RHBDD1: variants seen among roughly 807,000 people sequenced by gnomAD.
The protein encoded by RHBDD1 is rhomboid domain containing 1.
In RHBDD1, 38 loss-of-function variants were observed where a neutral mutation model predicts 36.3. The ratio of observed to expected loss-of-function variants is 1.05; its 90% CI spans 0.81 to 1.37. The LOEUF (loss-of-function observed/expected upper bound fraction) is 1.37. Among genes scored for constraint, RHBDD1 ranks in the 40% most tolerant of loss-of-function variants. The pLI is 0.00. For synonymous variants in RHBDD1, 151 were observed against 136.5 expected, an observed-to-expected ratio of 1.11 and a Z score of -0.74; for missense variants, 393 against 377.6, an observed-to-expected ratio of 1.04 and a Z score of -0.34.
chr2:226,909,186 C>T (rs915497310), intron 7 of RHBDD1, among the ~76,000 whole-genome samples: 13 of 152,142 alleles, frequency 8.5e-5, no homozygotes, highest in African/African-American at 3.1e-4. Flanking sequence ...CAGTCTGAGA[C>T]TCTACTGCTG....
At chr2:226,830,496 T>C in the RHBDD1 span, among the ~76,000 whole-genome samples, 1 of 152,170 alleles carries the variant, frequency 6.6e-6, no homozygotes, top group Non-Finnish European at 1.5e-5. Context: ...ATATGGTGTT[T>C]TATATTAATT....
At chr2:226,837,100 G>A (rs1441801503) in intron 1 of RHBDD1, among the ~76,000 whole-genome samples, 2 of 152,172 alleles carry the variant, frequency 1.3e-5, no homozygotes, top group African/African-American at 4.8e-5. Flanking sequence ...TAATGGCGTA[G>A]TGATAACACC....
upstream of RHBDD1, among the ~76,000 whole-genome samples, chr2:226,834,929 CCATGCCTGG>C (rs1940843974): frequency 6.6e-6 from 1 of 152,200 alleles, no homozygotes; most frequent in African/African-American, 2.4e-5. Context: ...GCGCCCGCAA[CCATGCCTGG>C]CTAATTTTTG....
the RHBDD1 span, among the ~76,000 whole-genome samples, chr2:226,812,196 G>C: frequency 6.6e-6 from 1 of 152,238 alleles, no homozygotes; most frequent in South Asian, 2.1e-4. Context: ...AAGGAGACAG[G>C]AACATAGCTT....
chr2:226,837,562 A>G (rs1941111621), intron 1 of RHBDD1: 1 of 152,262 alleles, frequency 6.6e-6, no homozygotes, highest in Non-Finnish European at 1.5e-5. Flanking sequence ...GTTTGGAGAC[A>G]GTCTCTTTCT....
chr2:226,967,134 C>T (rs1017168129), intron 8 of RHBDD1, among the ~76,000 whole-genome samples: 49 of 152,112 alleles, frequency 3.2e-4, no homozygotes, highest in African/African-American at 1.2e-3. Context: ...AGAAGATGGA[C>T]CAACTCTTTG....
At chr2:226,889,840 C>A (rs890020363) in intron 5 of RHBDD1, among the ~76,000 whole-genome samples, 1 of 152,114 alleles carries the variant, frequency 6.6e-6, no homozygotes, top group Non-Finnish European at 1.5e-5. Context: ...TTTTGAGTGC[C>A]ACTCCCTCTT....
At chr2:226,812,013 A>C in the RHBDD1 span, among the ~76,000 whole-genome samples, 1 of 152,214 alleles carries the variant, frequency 6.6e-6, no homozygotes, top group East Asian at 1.9e-4. Context: ...TCATCTGTCA[A>C]TTCTGTCAAC....
the RHBDD1 span, among the ~76,000 whole-genome samples, chr2:226,806,320 A>T: frequency 6.6e-6 from 1 of 152,058 alleles, no homozygotes; most frequent in Non-Finnish European, 1.5e-5. Context: ...AATTGTTCAA[A>T]TCAAAGCTTC....
chr2:226,916,858 A>G (rs1044862480), intron 8 of RHBDD1, among the ~76,000 whole-genome samples: 3 of 152,230 alleles, frequency 2.0e-5, no homozygotes, highest in Non-Finnish European at 2.9e-5. Context: ...ACAGGAAGTT[A>G]GTACTAGTAG....
In RHBDD1 at chr2:226,865,008, C is replaced by T. The variant is rs1334865368; in HGVS notation, c.315C>T (p.Ala105=). ...GAAGACTGGGAAGTAGATGGTTTGC[C>T]TATGTTATCACCGCATTTTCTGTAC... ...LERRLGSRWF[A]YVITAFSVLT... Residue 105 remains alanine (A), a synonymous_variant, in exon 4 of 9, where the codon GCC becomes GCT. Transcript: ENST00000392062. 1 of 1,614,210 alleles carries T rather than the reference C, an allele frequency of 6.2e-7. No homozygotes were observed. Among genetic ancestry groups the T allele is most frequent in the Admixed American group, 1.7e-5 (1 of 60,028 alleles).
chr2:226,812,761 C>A, the RHBDD1 span, among the ~76,000 whole-genome samples: 2 of 152,078 alleles, frequency 1.3e-5, no homozygotes, highest in African/African-American at 2.4e-5. Context: ...TAAAAAAATT[C>A]TCCCATATTG....
intron 8 of RHBDD1, among the ~76,000 whole-genome samples, chr2:226,925,514 T>G (rs1184359571): frequency 6.6e-6 from 1 of 151,980 alleles, no homozygotes; most frequent in Admixed American, 6.6e-5. Context: ...CAGAAATTTA[T>G]AAAATAAGCC....
At chr2:226,884,997 C>T (rs1158718406) in intron 5 of RHBDD1, among the ~76,000 whole-genome samples, 1 of 151,938 alleles carries the variant, frequency 6.6e-6, no homozygotes, top group Non-Finnish European at 1.5e-5. Context: ...ACAAGAAAAA[C>T]ACTGACAGGC....
At chr2:226,946,230 A>G (rs144942013) in intron 8 of RHBDD1, among the ~76,000 whole-genome samples, 2,557 of 152,168 alleles carry the variant, frequency 0.017, 63 homozygotes, top group African/African-American at 0.058. Flanking sequence ...GCCCATGCCT[A>G]TGTTCTGAAT....
chr2:226,948,693 A>G (rs1433792366), intron 8 of RHBDD1, among the ~76,000 whole-genome samples: 1 of 152,126 alleles, frequency 6.6e-6, no homozygotes, highest in Admixed American at 6.6e-5. Context: ...ATCATACTTA[A>G]TGGGCAAAAG....
intron 8 of RHBDD1, among the ~76,000 whole-genome samples, chr2:226,966,856 G>A (rs1952674211): frequency 6.7e-6 from 1 of 150,288 alleles, no homozygotes; most frequent in South Asian, 2.1e-4. Context: ...TTTTTTGGTA[G>A]AAATGGGAGT....
At chr2:226,966,295 C>T (rs187795723) in intron 8 of RHBDD1, among the ~76,000 whole-genome samples, 5 of 152,164 alleles carry the variant, frequency 3.3e-5, no homozygotes, top group African/African-American at 9.7e-5. Flanking sequence ...CACTCTTCAC[C>T]GTAAGGCTCA....
chr2:226,856,417 G>A (rs1478391030), intron 3 of RHBDD1, among the ~76,000 whole-genome samples: 1 of 152,036 alleles, frequency 6.6e-6, no homozygotes, highest in Non-Finnish European at 1.5e-5. Flanking sequence ...GGAACCTAAG[G>A]AAACTAAGGC....
Sources: allele counts gnomAD v4.1 joint callset (sites outside exome capture counted in the v4.1 genomes callset), GRCh38; gene constraint gnomAD v4.1.1; transcripts MANE v1.5; gene names NCBI Gene and HGNC (gene_info 2026-07-23, HGNC 2026-07-21).